Variants in STXBP5L observed in about 807,000 individuals in gnomAD.
STXBP5L encodes syntaxin-binding protein 5-like.
STXBP5L carries 65 observed loss-of-function variants against 144.5 expected under a neutral mutation model. That is an observed-to-expected ratio of 0.45 (90% CI 0.37 to 0.55). STXBP5L has a LOEUF of 0.55. Among genes scored for constraint, STXBP5L ranks in the 20% least tolerant of loss-of-function variants. STXBP5L has a pLI of 0.00. For missense variants in STXBP5L, 1,298 were observed against 1,405.5 expected (o/e 0.92, Z 1.22); for synonymous variants, 505 against 469.6 (o/e 1.08, Z -0.97).
At chr3:121,343,794 A>G (rs2044832425) in intron 20 of STXBP5L, among the ~76,000 whole-genome samples, 1 of 152,192 alleles carries the variant, frequency 6.6e-6, no homozygotes, top group Admixed American at 6.6e-5. Context: ...GGGTAGGAAG[A>G]ATCAATATCG....
At chr3:121,040,554 A>T (rs377484675) in intron 3 of STXBP5L, among the ~76,000 whole-genome samples, 28 of 151,932 alleles carry the variant, frequency 1.8e-4, no homozygotes, top group African/African-American at 4.8e-4. Context: ...CTTCCTTAGT[A>T]CTTAGCTAAA....
At chr3:120,952,074 A>G (rs1711280536) in intron 2 of STXBP5L, among the ~76,000 whole-genome samples, 2 of 150,788 alleles carry the variant, frequency 1.3e-5, no homozygotes, top group South Asian at 2.1e-4. Context: ...CAAACACCGC[A>G]TATTCTCACT....
chr3:121,205,801 T>C, intron 9 of STXBP5L, 122 bp from the exon 10 acceptor site: 1 of 483,350 alleles, frequency 2.1e-6, no homozygotes, highest in Non-Finnish European at 3.5e-6. Context: ...TTTATCCTAT[T>C]ATGACAAACA....
chr3:121,205,658 T>A (rs1330151896), intron 9 of STXBP5L, among the ~76,000 whole-genome samples: 4 of 152,208 alleles, frequency 2.6e-5, no homozygotes, highest in Non-Finnish European at 5.9e-5. Flanking sequence ...ATTAGATTTA[T>A]GTGTGAAGGA....
At chr3:120,916,812 T>C (rs1709124579) in intron 2 of STXBP5L, among the ~76,000 whole-genome samples, 1 of 152,202 alleles carries the variant, frequency 6.6e-6, no homozygotes, top group Non-Finnish European at 1.5e-5. Context: ...TTTACCAAAA[T>C]GAACACAATA....
At chr3:120,944,218 G>A (rs1265959280) in intron 2 of STXBP5L, among the ~76,000 whole-genome samples, 1 of 151,014 alleles carries the variant, frequency 6.6e-6, no homozygotes, top group Non-Finnish European at 1.5e-5. Flanking sequence ...AAGTAGCAAT[G>A]TAAAAATGTT....
At chr3:121,126,014 G>A (rs1486407921) in intron 7 of STXBP5L, among the ~76,000 whole-genome samples, 8 of 152,094 alleles carry the variant, frequency 5.3e-5, no homozygotes. Context: ...GACCAGTGAT[G>A]TCTCTTCTGC....
chr3:121,311,383 T>C (rs1163581767), intron 19 of STXBP5L, among the ~76,000 whole-genome samples: 1 of 152,214 alleles, frequency 6.6e-6, no homozygotes, highest in East Asian at 1.9e-4. Flanking sequence ...TGTGGCTTTA[T>C]TTAGTATAGT....
chr3:121,359,440 T>G (rs2108634634), intron 20 of STXBP5L, among the ~76,000 whole-genome samples: 1 of 152,256 alleles, frequency 6.6e-6, no homozygotes, highest in Middle Eastern at 3.4e-3. Flanking sequence ...TCCTTTGCTG[T>G]GCTGAGTTTT....
chr3:121,075,147 AC>A (rs2041967459), intron 5 of STXBP5L, among the ~76,000 whole-genome samples: 1 of 151,882 alleles, frequency 6.6e-6, no homozygotes, highest in African/African-American at 2.4e-5. Context: ...TGACTTCTGA[AC>A]CCCTTGACTG....
chr3:121,051,208 T>C (rs1225238161), intron 5 of STXBP5L, among the ~76,000 whole-genome samples: 1 of 152,098 alleles, frequency 6.6e-6, no homozygotes, highest in East Asian at 1.9e-4. Flanking sequence ...TACCCAGGAA[T>C]TGTACTCAGC....
At chr3:120,987,676 T>G in intron 3 of STXBP5L, among the ~76,000 whole-genome samples, 1 of 151,912 alleles carries the variant, frequency 6.6e-6, no homozygotes, top group East Asian at 1.9e-4. Context: ...TTTGCTTAGC[T>G]CTGAATATTG....
At chr3:121,282,199 C>A in intron 19 of STXBP5L, 1 of 1,489,744 alleles carries the variant, frequency 6.7e-7, no homozygotes, top group Non-Finnish European at 9.3e-7. Context: ...CACTTCCTTT[C>A]ACTTTAGACT....
At chr3:121,300,135 T>C (rs552195720) in intron 19 of STXBP5L, among the ~76,000 whole-genome samples, 16 of 152,160 alleles carry the variant, frequency 1.1e-4, no homozygotes, top group Non-Finnish European at 1.5e-4. Flanking sequence ...ATTTTTTCCA[T>C]CAGAAATAAT....
chr3:121,096,104 A>G (rs539048138), intron 5 of STXBP5L, among the ~76,000 whole-genome samples: 23 of 148,842 alleles, frequency 1.5e-4, no homozygotes, highest in African/African-American at 5.0e-4. Context: ...TGTACCCACT[A>G]TCCTGCCCCC....
At chr3:121,127,577 A>T (rs1230874493) in intron 7 of STXBP5L, among the ~76,000 whole-genome samples, 1 of 151,560 alleles carries the variant, frequency 6.6e-6, no homozygotes, top group Non-Finnish European at 1.5e-5. Flanking sequence ...AACAGGAGTC[A>T]TTGGATTTAG....
intron 14 of STXBP5L, among the ~76,000 whole-genome samples, chr3:121,247,595 GCTTA>G (rs1240829607): frequency 2.6e-5 from 4 of 152,092 alleles, no homozygotes; most frequent in African/African-American, 4.8e-5. Context: ...TCCTGTGCTG[GCTTA>G]CTTAGGATTA....
chr3:121,117,683 T>C (rs2044292088), intron 6 of STXBP5L, among the ~76,000 whole-genome samples: 1 of 151,874 alleles, frequency 6.6e-6, no homozygotes, highest in South Asian at 2.1e-4. Flanking sequence ...AGATTGTTTC[T>C]ATTTTAAGTC....
At chr3:121,350,979 C>T (rs2045256483) in intron 20 of STXBP5L, among the ~76,000 whole-genome samples, 1 of 152,154 alleles carries the variant, frequency 6.6e-6, no homozygotes, top group South Asian at 2.1e-4. Flanking sequence ...ATTCTCTGTC[C>T]AGCTTTGTTC....
Sources: allele counts gnomAD v4.1 joint callset (sites outside exome capture counted in the v4.1 genomes callset), GRCh38; gene constraint gnomAD v4.1.1; transcripts MANE v1.5; gene names NCBI Gene and HGNC (gene_info 2026-07-23, HGNC 2026-07-21).